Variants in DPP6 observed in about 807,000 individuals in gnomAD.
The protein encoded by DPP6 is dipeptidyl peptidase like 6.
Under a neutral mutation model 122.6 loss-of-function variants are expected in DPP6, and 69 were observed. That is an observed-to-expected ratio of 0.56 (90% CI 0.46 to 0.69). The LOEUF is 0.69. Among genes scored for constraint, DPP6 ranks in the 30% least tolerant of loss-of-function variants. DPP6 has a pLI of 0.00. For missense variants in DPP6, 928 were observed against 1,116.9 expected (o/e 0.83, Z 2.41); for synonymous variants, 418 against 433.1 (o/e 0.97, Z 0.43).
intron 7 of DPP6, among the ~76,000 whole-genome samples, chr7:154,693,268 G>A (rs1840035429): frequency 6.6e-6 from 1 of 152,208 alleles, no homozygotes; most frequent in African/African-American, 2.4e-5. Flanking sequence ...AGCAAACGCT[G>A]ACGTGGCCGA....
chr7:154,312,244 A>T (rs1320775806), intron 1 of DPP6, among the ~76,000 whole-genome samples: 3 of 152,140 alleles, frequency 2.0e-5, no homozygotes, highest in African/African-American at 7.2e-5. Context: ...TTTGATAGTA[A>T]TAGTGTTGAA....
chr7:154,677,255 G>C (rs571049466), intron 7 of DPP6, among the ~76,000 whole-genome samples: 2 of 152,108 alleles, frequency 1.3e-5, no homozygotes, highest in Non-Finnish European at 2.9e-5. Context: ...CGCCAACAGC[G>C]AGAGAGCGTG....
chr7:154,752,081 C>T (rs1007894930), intron 8 of DPP6, among the ~76,000 whole-genome samples: 7 of 152,202 alleles, frequency 4.6e-5, no homozygotes, highest in South Asian at 2.1e-4. Flanking sequence ...GGGAGGAATG[C>T]GCCATCTTTG....
chr7:154,635,025 G>A (rs1398730092), intron 5 of DPP6, among the ~76,000 whole-genome samples: 3 of 152,072 alleles, frequency 2.0e-5, no homozygotes, highest in African/African-American at 7.2e-5. Context: ...TGACAACAGC[G>A]AACACGGACT....
At chr7:154,864,032 C>A (rs1803646501) in intron 17 of DPP6, among the ~76,000 whole-genome samples, 1 of 152,020 alleles carries the variant, frequency 6.6e-6, no homozygotes, top group South Asian at 2.1e-4. Flanking sequence ...GAGGAGTGAG[C>A]AGAAATACAG....
intron 1 of DPP6, among the ~76,000 whole-genome samples, chr7:154,339,950 G>A (rs7781970): frequency 0.026 from 3,917 of 152,180 alleles, 162 homozygotes; most frequent in African/African-American, 0.09. Flanking sequence ...GCACACGCCT[G>A]TAATTCCAGC....
intron 4 of DPP6, among the ~76,000 whole-genome samples, chr7:154,558,480 C>T (rs544854456): frequency 1.3e-5 from 2 of 152,316 alleles, no homozygotes; most frequent in African/African-American, 4.8e-5. Flanking sequence ...CAAATATAGT[C>T]ATGTGTCACA....
intron 1 of DPP6, among the ~76,000 whole-genome samples, chr7:154,335,377 C>G (rs1442632991): frequency 6.6e-6 from 1 of 152,166 alleles, no homozygotes; most frequent in Non-Finnish European, 1.5e-5. Context: ...CTTATTTCAC[C>G]TAACAAATAC....
chr7:154,623,220 C>T (rs553645925), intron 5 of DPP6, among the ~76,000 whole-genome samples: 3 of 152,340 alleles, frequency 2.0e-5, no homozygotes, highest in South Asian at 2.1e-4. Flanking sequence ...TCTACTGATA[C>T]ATCCTGAGGG....
At chr7:154,332,319 G>A (rs369551441) in intron 1 of DPP6, among the ~76,000 whole-genome samples, 1 of 152,174 alleles carries the variant, frequency 6.6e-6, no homozygotes, top group Non-Finnish European at 1.5e-5. Context: ...TGATCCACCC[G>A]CCTCAGCCTC....
At chr7:154,837,164 AAC>A (rs757723229) in intron 16 of DPP6, among the ~76,000 whole-genome samples, 34 of 149,326 alleles carry the variant, frequency 2.3e-4, no homozygotes, top group Non-Finnish European at 3.1e-4. Context: ...CATGCACACA[AAC>A]ACATGCATAC....
At chr7:154,774,027 G>A (rs898048916) in intron 10 of DPP6, among the ~76,000 whole-genome samples, 1 of 152,176 alleles carries the variant, frequency 6.6e-6, no homozygotes, top group South Asian at 2.1e-4. Context: ...AACTTATAAT[G>A]TTGTAAGATC....
intron 7 of DPP6, among the ~76,000 whole-genome samples, chr7:154,679,163 CCA>C (rs1210984891): frequency 3.3e-5 from 5 of 152,118 alleles, no homozygotes; most frequent in African/African-American, 1.2e-4. Context: ...CCATCACCAT[CCA>C]CAGTGTACCT....
Position 154,588,028 on chromosome 7 carries a change from C to G in DPP6, c.627+21112C>G, listed in dbSNP as rs1342043822. 1.9e-6 allele frequency: 3 copies of G among 1,612,452 alleles called. No homozygotes were observed. The African/African-American group carries it at 4.0e-5, about 22-fold the overall frequency. On this transcript the variant is annotated intron_variant, in intron 5 of 25. Coordinates refer to ENST00000377770, the MANE Select transcript of DPP6 (RefSeq NM_130797.4). ...GTGTGAGGCATCGCATCTGCTCACC[C>G]CGGGGATAATGCACAGCAGCTACAG...
At chr7:154,578,752 G>A (rs942352173) in intron 5 of DPP6, among the ~76,000 whole-genome samples, 9 of 152,130 alleles carry the variant, frequency 5.9e-5, no homozygotes, top group Non-Finnish European at 1.3e-4. Flanking sequence ...TTGAGTGTGT[G>A]TGCCTGTCCG....
intron 1 of DPP6, among the ~76,000 whole-genome samples, chr7:154,168,957 C>G (rs539661111): frequency 6.6e-6 from 1 of 152,102 alleles, no homozygotes; most frequent in Non-Finnish European, 1.5e-5. Context: ...TGGTAAGACT[C>G]GACTTGAACT....
chr7:154,228,890 G>T (rs1232193728), intron 1 of DPP6, among the ~76,000 whole-genome samples: 1 of 152,034 alleles, frequency 6.6e-6, no homozygotes, highest in African/African-American at 2.4e-5. Context: ...AGAAAAATAG[G>T]TGCCCTTTAC....
chr7:154,701,469 C>A (rs948372929), intron 7 of DPP6, among the ~76,000 whole-genome samples: 2 of 152,216 alleles, frequency 1.3e-5, no homozygotes, highest in Non-Finnish European at 2.9e-5. Flanking sequence ...TATCCATAGG[C>A]ATTTTAATTT....
intron 1 of DPP6, among the ~76,000 whole-genome samples, chr7:153,928,396 A>ATGTTTTTTTTTTTTTTTTTTTT (rs1275067491): frequency 4.6e-5 from 2 of 43,672 alleles, no homozygotes; most frequent in African/African-American, 1.6e-4. Context: ...CTTTTCTTTC[A>ATGTTTTTTTTTTTTTTTTTTTT]TTTTTTTTTT....
Sources: gnomAD v4.1 joint callset for allele counts (sites outside exome capture counted in the v4.1 genomes callset) on GRCh38, gnomAD v4.1.1 for gene constraint, MANE v1.5 for transcripts, NCBI Gene and HGNC (gene_info 2026-07-23, HGNC 2026-07-21) for gene names.